The following PFKL variants were observed in gnomAD, a reference collection of about 807,000 sequenced individuals.
PFKL encodes the protein phosphofructokinase, liver type.
In PFKL, 74 loss-of-function variants were observed where a neutral mutation model predicts 92.1. That is an observed-to-expected ratio of 0.80 (90% CI 0.67 to 0.97). PFKL has a LOEUF of 0.97. PFKL is among the 50% of genes least tolerant of loss of function. The pLI, the probability that PFKL is intolerant of heterozygous loss-of-function variation, is 0.00. For missense variants in PFKL, 1,028 were observed against 1,116.6 expected (o/e 0.92, Z 1.13); for synonymous variants, 494 against 456.4 (o/e 1.08, Z -1.05).
chr21:44,323,347 G>A (rs1318055477), intron 15 of PFKL, among the ~76,000 whole-genome samples: 1 of 152,198 alleles, frequency 6.6e-6, no homozygotes, highest in East Asian at 1.9e-4. Flanking sequence ...AGGGGCAGGG[G>A]AGGAAGGGGA....
rs199547282 is a variant in PFKL, at chr21:44,322,957, T to C, written c.1410-5T>C. 8.5e-5 allele frequency: 137 copies of C among 1,609,154 alleles called. No individual in the cohort carries two copies. Among genetic ancestry groups the C allele is most frequent in the Non-Finnish European group, 1.1e-4 (133 of 1,176,812 alleles). ...GTGTTCATGCGGATGTGTCTTTGAC[T>C]GCAGGACCCTGCCCAAGGGCCAGCT... On this transcript the variant is annotated splice_region_variant and splice_polypyrimidine_tract_variant and intron_variant, in intron 14 of 21. Coordinates refer to ENST00000349048, the MANE Select transcript of PFKL (RefSeq NM_002626.6).
chr21:44,312,562 C>T (rs933570167), intron 4 of PFKL, among the ~76,000 whole-genome samples: 2 of 152,182 alleles, frequency 1.3e-5, no homozygotes, highest in Non-Finnish European at 2.9e-5. Flanking sequence ...CCCTACGCTG[C>T]GTAGACAAGT....
At chr21:44,319,234 G>C in intron 10 of PFKL, 117 bp from the exon 11 acceptor site, 1 of 842,264 alleles carries the variant, frequency 1.2e-6, no homozygotes, top group Middle Eastern at 2.3e-4. Flanking sequence ...CCAGGCCTGG[G>C]CCAGGGTCAG....
intron 14 of PFKL, 120 bp downstream of exon 14, chr21:44,322,323 C>G (rs2047379043): frequency 1.1e-6 from 1 of 908,060 alleles, no homozygotes; most frequent in Admixed American, 2.6e-5. Context: ...CCTCTTCCTG[C>G]TGGTGGTCTG....
Position 44,326,952 on chromosome 21 carries a change from C to G in PFKL, c.*90C>G. 3 of 1,265,040 alleles carry G rather than the reference C, an allele frequency of 2.4e-6. No individual in the cohort carries two copies. The highest frequency in any genetic ancestry group is 1.3e-5 in the South Asian group (1 of 76,398). 78.4% of individuals were successfully genotyped at this position (1,265,040 alleles called of 1,614,324 possible). On this transcript the variant is annotated 3_prime_UTR_variant, in exon 22 of 22. Coordinates refer to ENST00000349048, the MANE Select transcript of PFKL (RefSeq NM_002626.6). ...GGGGCCTGGGCTGTTGTGTCTGGAG[C>G]CTGCAGGCAGGTGGGGGCTGCGTCC... is the stretch of plus-strand genomic sequence containing the variant.
chr21:44,322,309 G>T (rs1395363757), intron 14 of PFKL, 106 bp downstream of exon 14: 1 of 1,057,174 alleles, frequency 9.5e-7, no homozygotes, highest in Middle Eastern at 3.2e-4. Context: ...CCCTGGGCTC[G>T]GCCCCTCTTC....
At position 44,313,116 on chromosome 21, in the gene PFKL, T is replaced by C. The variant is rs145436051; in HGVS notation, c.566T>C (p.Ile189Thr). 2.8e-4 allele frequency: 445 copies of C among 1,612,882 alleles called. 1 individual carries two copies. The highest frequency in any genetic ancestry group is 3.1e-4 in the Non-Finnish European group (361 of 1,179,868). ...DSALHRIMEV[I>T]DAITTTAQSH... ...GCCCTCCACCGCATCATGGAGGTCATCGATGCCATCACCACCACTGCCCAG... is the reference window on the plus strand; with the variant it reads ...GCCCTCCACCGCATCATGGAGGTCACCGATGCCATCACCACCACTGCCCAG... The change falls in exon 5 of 22, where the codon ATC becomes ACC. Residue 189 changes from isoleucine (I) to threonine (T), a missense_variant. Physicochemically the swap from Ile to Thr is moderately conservative, Grantham distance 89. Transcript: ENST00000349048.
intron 2 of PFKL, among the ~76,000 whole-genome samples, chr21:44,307,528 C>T (rs562414885): frequency 2.6e-4 from 39 of 152,308 alleles, no homozygotes; most frequent in African/African-American, 9.4e-4. Flanking sequence ...GCAACCCCAG[C>T]TCTGCAGCCC....
At chr21:44,310,651 C>T (rs1161438775) in intron 2 of PFKL, among the ~76,000 whole-genome samples, 1 of 152,158 alleles carries the variant, frequency 6.6e-6, no homozygotes, top group East Asian at 1.9e-4. Flanking sequence ...ACAGGCAGAC[C>T]TAGGATGCAC....
At chr21:44,325,930 G>C in intron 19 of PFKL, 31 bp from the exon 20 acceptor site, 1 of 1,566,332 alleles carries the variant, frequency 6.4e-7, no homozygotes, top group Non-Finnish European at 8.8e-7. Flanking sequence ...GCCCAGGGGA[G>C]TCCAGGGAAC....
At chr21:44,325,547 A>C (rs1193377556) in intron 19 of PFKL, 1 of 541,168 alleles carries the variant, frequency 1.8e-6, no homozygotes, top group African/African-American at 1.9e-5. Context: ...ACTTCCGCCG[A>C]ACCCCTCACC....
intron 1 of PFKL, among the ~76,000 whole-genome samples, chr21:44,301,872 C>T (rs1157183527): frequency 6.6e-6 from 1 of 152,260 alleles, no homozygotes; most frequent in Non-Finnish European, 1.5e-5. Context: ...CGTGCCCCCC[C>T]CACCCCCTGC....
At chr21:44,325,381 G>A (rs565740707) in intron 19 of PFKL, 117 bp downstream of exon 19, 31 of 690,866 alleles carry the variant, frequency 4.5e-5, no homozygotes, top group East Asian at 1.9e-4. Flanking sequence ...GCAGGCCCTC[G>A]GGCACGTGTG....
At chr21:44,309,545 G>T (rs1422569564) in intron 2 of PFKL, among the ~76,000 whole-genome samples, 1 of 152,200 alleles carries the variant, frequency 6.6e-6, no homozygotes, top group Non-Finnish European at 1.5e-5. Context: ...TGAGCCACTG[G>T]CCTTGTGGGG....
At chr21:44,324,796 G>C (rs1385408632) in intron 17 of PFKL, 60 bp from the exon 18 acceptor site, 1 of 1,589,784 alleles carries the variant, frequency 6.3e-7, no homozygotes, top group Non-Finnish European at 8.6e-7. Flanking sequence ...CGGATCGCCG[G>C]TCAGCCTGGA....
chr21:44,317,995 G>A (rs993514459), intron 9 of PFKL, among the ~76,000 whole-genome samples: 11 of 152,384 alleles, frequency 7.2e-5, no homozygotes, highest in South Asian at 2.1e-4. Flanking sequence ...GCCGGTTCCC[G>A]GGGTGGGGCT....
intron 1 of PFKL, chr21:44,304,498 G>A (rs2040871426): frequency 8.6e-7 from 1 of 1,156,542 alleles, no homozygotes; most frequent in Non-Finnish European, 1.1e-6. Context: ...CAGGGAGGGC[G>A]AGGGAGGGAC....
intron 21 of PFKL, among the ~76,000 whole-genome samples, chr21:44,326,485 A>G (rs1409908041): frequency 6.6e-6 from 1 of 152,206 alleles, no homozygotes; most frequent in African/African-American, 2.4e-5. Flanking sequence ...ATGGGGGCAC[A>G]GCGGGTAGCC....
Position 44,312,154 on chromosome 21 carries a change from A to C in PFKL, c.287A>C (p.Glu96Ala), listed in dbSNP as rs781482350. The change falls in exon 4 of 22, where the codon GAG becomes GCG. Residue 96 changes from glutamate (E) to alanine (A), a missense_variant. By Grantham distance (107) the Glu-to-Ala change is moderately radical (BLOSUM62 -1). Transcript: ENST00000349048. The stretch of plus-strand genomic sequence containing the variant: ...CGCTGCAAGGCCTTTACCACCAGGG[A>C]GGGGCGCCGGGCAGCGGCCTACAAC... ...SARCKAFTTR[E>A]GRRAAAYNLV... is the part of the protein sequence containing the mutation. 3.8e-6 allele frequency: 6 copies of C among 1,589,602 alleles called. No individual in the cohort carries two copies. Among genetic ancestry groups the C allele is most frequent in the Non-Finnish European group, 5.1e-6 (6 of 1,168,724 alleles).
Sources: allele counts gnomAD v4.1 joint callset (sites outside exome capture counted in the v4.1 genomes callset), GRCh38; gene constraint gnomAD v4.1.1; transcripts MANE v1.5; gene names NCBI Gene and HGNC (gene_info 2026-07-23, HGNC 2026-07-21).